CYB5D2: variants seen among roughly 807,000 people sequenced by gnomAD.
CYB5D2 encodes cytochrome b5 domain containing 2.
A neutral mutation model predicts 22.8 loss-of-function variants in CYB5D2; 23 were observed. The observed-to-expected ratio is 1.01, with a 90% CI of 0.73 to 1.43. CYB5D2 has a LOEUF of 1.43. Among genes scored for constraint, CYB5D2 ranks in the 40% most tolerant of loss-of-function variants. The probability of loss-of-function intolerance (pLI) is 0.00; values close to 1 mark genes in which losing one functional copy is unlikely to be tolerated. For missense variants in CYB5D2, 373 were observed against 357.2 expected, an observed-to-expected ratio of 1.04 and a Z score of -0.36; for synonymous variants, 170 against 152.2, an observed-to-expected ratio of 1.12 and a Z score of -0.86.
In CYB5D2 at chr17:4,144,013, C is replaced by G; in HGVS notation, c.250+8C>G. On this transcript the variant is annotated splice_region_variant and intron_variant, in intron 1 of 3. Transcript: ENST00000301391. Reference sequence around the variant, plus strand: ...ACTATAGCGGCTTCGCAGGTATCAGCGAGGCTGCTCACGCCTTTCTCTCCG... The same window carrying G: ...ACTATAGCGGCTTCGCAGGTATCAGGGAGGCTGCTCACGCCTTTCTCTCCG... The G allele has an allele frequency of 6.3e-7, 1 of 1,583,866 alleles. No homozygotes were observed. Among genetic ancestry groups the G allele is most frequent in the Admixed American group, 1.8e-5 (1 of 56,478 alleles).
intron 3 of CYB5D2, 38 bp downstream of exon 3, chr17:4,154,898 C>CA: frequency 8.8e-6 from 14 of 1,582,150 alleles, no homozygotes; most frequent in Non-Finnish European, 1.2e-5. Context: ...CTGCCTGTCC[C>CA]AAATCCAACT....
At chr17:4,153,528 C>G (rs1049942798) in intron 2 of CYB5D2, among the ~76,000 whole-genome samples, 1 of 152,140 alleles carries the variant, frequency 6.6e-6, no homozygotes, top group African/African-American at 2.4e-5. Context: ...TTTAATCAGG[C>G]ATCGGAGAGC....
At chr17:4,145,553 T>G (rs2058980679) in intron 1 of CYB5D2, among the ~76,000 whole-genome samples, 1 of 152,204 alleles carries the variant, frequency 6.6e-6, no homozygotes, top group African/African-American at 2.4e-5. Context: ...GAGTGCTTTT[T>G]ATTTTTCAGT....
At chr17:4,151,847 A>G (rs1174193871) in intron 2 of CYB5D2, among the ~76,000 whole-genome samples, 1 of 152,006 alleles carries the variant, frequency 6.6e-6, no homozygotes, top group Non-Finnish European at 1.5e-5. Context: ...TCTACTATAA[A>G]TACAAAAAAT....
At chr17:4,156,756 C>T in intron 3 of CYB5D2, 110 bp from the exon 4 acceptor site, 1 of 1,185,118 alleles carries the variant, frequency 8.4e-7, no homozygotes, top group Non-Finnish European at 1.2e-6. Flanking sequence ...GGGAAACACT[C>T]TGGTAGGCTT....
chr17:4,144,209 TCCA>T (rs1436982159), intron 1 of CYB5D2, among the ~76,000 whole-genome samples: 1 of 152,074 alleles, frequency 6.6e-6, no homozygotes, highest in Non-Finnish European at 1.5e-5. Context: ...AGCTCTGTCA[TCCA>T]CCACCGCCCT....
At chr17:4,150,226 A>C (rs532484130) in intron 2 of CYB5D2, among the ~76,000 whole-genome samples, 195 bp downstream of exon 2, 1 of 152,250 alleles carries the variant, frequency 6.6e-6, no homozygotes, top group East Asian at 1.9e-4. Context: ...CCCCACTCTT[A>C]GTCTTGGGAG....
chr17:4,148,559 C>G (rs1413970930), intron 1 of CYB5D2, among the ~76,000 whole-genome samples: 1 of 149,112 alleles, frequency 6.7e-6, no homozygotes, highest in Non-Finnish European at 1.5e-5. Context: ...ATTCCCCAGG[C>G]TGGATGCGGT....
intron 1 of CYB5D2, among the ~76,000 whole-genome samples, chr17:4,144,934 C>T (rs1448151210): frequency 6.6e-6 from 1 of 152,082 alleles, no homozygotes; most frequent in Non-Finnish European, 1.5e-5. Context: ...CTACAGGCGC[C>T]CACCACCACG....
At chr17:4,145,956 G>A (rs928042635) in intron 1 of CYB5D2, among the ~76,000 whole-genome samples, 1 of 152,060 alleles carries the variant, frequency 6.6e-6, no homozygotes, top group African/African-American at 2.4e-5. Flanking sequence ...GCACCATCAC[G>A]TGCAGCTAAT....
rs1302200536 is a variant in CYB5D2, at chr17:4,143,973, A to G, written c.218A>G (p.Tyr73Cys). 6 of 1,611,806 alleles carry G rather than the reference A, an allele frequency of 3.7e-6. No homozygotes were observed. The African/African-American group carries it at 4.0e-5, about 11-fold the overall frequency. ...GATGTGTCCTCCGGCCGGAGGCACT[A>G]CGAGCCTGGGTCCCACTATAGCGGC... The part of the protein sequence containing the change: ...VYDVSSGRRH[Y>C]EPGSHYSGFA... Residue 73 changes from tyrosine to cysteine, a missense_variant, in exon 1 of 4, where the codon TAC becomes TGC. Physicochemically the swap from Tyr to Cys is radical, Grantham distance 194. Transcript: ENST00000301391.
At position 4,153,302 on chromosome 17, in the gene CYB5D2, A is replaced by G. The variant is rs1277551636; in HGVS notation, c.392-1372A>G. ...GGCAGCCACACCGAGACCTGAGGAGAGTGTGCTGGGTCAGGGAAGAGCGGT... is the reference window on the plus strand; with the variant it reads ...GGCAGCCACACCGAGACCTGAGGAGGGTGTGCTGGGTCAGGGAAGAGCGGT... On this transcript the variant is annotated intron_variant, in intron 2 of 3. Coordinates refer to ENST00000301391, the MANE Select transcript of CYB5D2 (RefSeq NM_144611.4). Among the ~76,000 whole-genome samples the G allele has an allele frequency of 2.0e-5, 3 of 150,876 alleles. No individual in the cohort carries two copies. The East Asian group carries it at 5.8e-4, about 29-fold the overall frequency.
Position 4,154,782 on chromosome 17 carries a change from A to G in CYB5D2, c.500A>G (p.Gln167Arg), listed in dbSNP as rs1272215440. The change falls in exon 3 of 4, where the codon CAA becomes CGA. Residue 167 changes from glutamine (Q) to arginine (R), a missense_variant. Coordinates refer to ENST00000301391, the MANE Select transcript of CYB5D2 (RefSeq NM_144611.4). ...RGLEANKLQL[Q>R]EKQTFPPCNA... ...TTGGAGGCCAACAAACTACAGCTGC[A>G]AGAGAAGCAGACATTCCCGCCGTGC... 5 of 1,614,208 alleles carry G rather than the reference A, an allele frequency of 3.1e-6. No homozygotes were observed. Among genetic ancestry groups the G allele is most frequent in the Admixed American group, 3.3e-5 (2 of 60,030 alleles).
At chr17:4,156,612 G>A (rs1307738537) in intron 3 of CYB5D2, among the ~76,000 whole-genome samples, 2 of 152,232 alleles carry the variant, frequency 1.3e-5, no homozygotes, top group Non-Finnish European at 2.9e-5. Context: ...GGCAGGGGCT[G>A]GGGAGCACAG....
intron 1 of CYB5D2, among the ~76,000 whole-genome samples, 167 bp from the exon 2 acceptor site, chr17:4,149,724 G>A (rs568876969): frequency 2.6e-5 from 4 of 152,292 alleles, no homozygotes; most frequent in East Asian, 3.9e-4. Flanking sequence ...GCTTGAAAGC[G>A]GAAGGCAGAG....
At chr17:4,150,387 GC>G (rs1257609137) in intron 2 of CYB5D2, among the ~76,000 whole-genome samples, 1 of 152,188 alleles carries the variant, frequency 6.6e-6, no homozygotes, top group African/African-American at 2.4e-5. Flanking sequence ...AGGGCTTGAA[GC>G]CTGAATTTGT....
intron 1 of CYB5D2, among the ~76,000 whole-genome samples, chr17:4,148,157 A>G (rs1446226473): frequency 6.6e-6 from 1 of 152,158 alleles, no homozygotes; most frequent in Non-Finnish European, 1.5e-5. Flanking sequence ...GCAGACTGAC[A>G]CAAGAACACT....
Position 4,143,718 on chromosome 17 carries a change from G to C in CYB5D2, c.-38G>C, listed in dbSNP as rs200336885. On this transcript the variant is annotated 5_prime_UTR_variant, in exon 1 of 4. Coordinates refer to ENST00000301391, the MANE Select transcript of CYB5D2 (RefSeq NM_144611.4). The stretch of plus-strand genomic sequence containing the variant: ...GGCCATCTTAGCTGTAGATAGAGGC[G>C]GCAACCTCGGAAGTGCGGAGCGGGT... 5.6e-4 allele frequency: 886 copies of C among 1,574,106 alleles called. 5 individuals are homozygous for C. Among genetic ancestry groups the C allele is most frequent in the Middle Eastern group, 5.2e-3 (26 of 4,958 alleles).
Position 4,143,856 on chromosome 17 carries a change from G to C in CYB5D2, c.101G>C (p.Gly34Ala). 1.2e-6 allele frequency: 2 copies of C among 1,614,112 alleles called. No homozygotes were observed. Among genetic ancestry groups the C allele is most frequent in the Non-Finnish European group, 1.7e-6 (2 of 1,180,012 alleles). ...RLMGWWGPRA[G>A]FRLFIPEELS... ...ATGGGCTGGTGGGGTCCCCGCGCTG[G>C]CTTTCGCCTTTTCATACCGGAGGAG... The change falls in exon 1 of 4, where the codon GGC becomes GCC. Residue 34 changes from glycine to alanine, a missense_variant. Gly to Ala is a moderately conservative substitution (Grantham distance 60). Transcript: ENST00000301391.
Sources: allele counts gnomAD v4.1 joint callset (sites outside exome capture counted in the v4.1 genomes callset), GRCh38; gene constraint gnomAD v4.1.1; transcripts MANE v1.5; gene names NCBI Gene and HGNC (gene_info 2026-07-23, HGNC 2026-07-21).